FLI1: variants seen among roughly 807,000 people sequenced by gnomAD.
FLI1 encodes Friend leukemia integration 1 transcription factor.
Under a neutral mutation model 53.1 loss-of-function variants are expected in FLI1, and 13 were observed. That is an observed-to-expected ratio of 0.24 (90% CI 0.16 to 0.39). The LOEUF is 0.39. Among genes scored for constraint, FLI1 ranks in the 10% least tolerant of loss-of-function variants. The probability of loss-of-function intolerance (pLI) is 1.00; values close to 1 mark genes in which losing one functional copy is unlikely to be tolerated. For synonymous variants in FLI1, 244 were observed against 236.7 expected (o/e 1.03, Z -0.28); for missense variants, 424 against 600.5 (o/e 0.71, Z 3.07).
intron 4 of FLI1, among the ~76,000 whole-genome samples, chr11:128,780,780 C>T (rs1457923940): frequency 2.0e-5 from 3 of 152,178 alleles, no homozygotes; most frequent in Non-Finnish European, 4.4e-5. Context: ...CCCTGGCACC[C>T]AAGCCAGTCC....
At chr11:128,712,803 C>T (rs775925710) in intron 1 of FLI1, among the ~76,000 whole-genome samples, 1 of 152,184 alleles carries the variant, frequency 6.6e-6, no homozygotes, top group African/African-American at 2.4e-5. Flanking sequence ...ACATATCATA[C>T]ACTTTCCAAA....
intron 1 of FLI1, among the ~76,000 whole-genome samples, chr11:128,732,905 A>G (rs1435039473): frequency 1.3e-5 from 2 of 152,242 alleles, no homozygotes; most frequent in African/African-American, 4.8e-5. Flanking sequence ...TCAGATCTAG[A>G]GAAGTAGAGT....
intron 5 of FLI1, among the ~76,000 whole-genome samples, chr11:128,803,643 G>T (rs1942696225): frequency 6.6e-6 from 1 of 152,144 alleles, no homozygotes; most frequent in African/African-American, 2.4e-5. Context: ...CAAGGACGAG[G>T]AACTTGTTTC....
intron 1 of FLI1, among the ~76,000 whole-genome samples, chr11:128,728,346 A>C (rs997998058): frequency 6.6e-6 from 1 of 152,238 alleles, no homozygotes; most frequent in East Asian, 1.9e-4. Context: ...CAGAGCCAAA[A>C]AGAGCTTAGT....
In FLI1 at chr11:128,810,031, G is replaced by C. The variant is rs959639487; in HGVS notation, c.830-428G>C. On this transcript the variant is annotated intron_variant, in intron 8 of 8. Coordinates refer to ENST00000527786, the MANE Select transcript of FLI1 (RefSeq NM_002017.5). The surrounding 1 kb of genome is among the most constrained non-coding windows in gnomAD (Gnocchi z 6.6). ...ACTCCCACAGTCATGCCTTGCCCCT[G>C]ACTTTTTATTGCTGACAGGGAATTC... Among the ~76,000 whole-genome samples the C allele has an allele frequency of 1.3e-5, 2 of 152,020 alleles. No individual in the cohort carries two copies. The highest frequency in any genetic ancestry group is 1.5e-5 in the Non-Finnish European group (1 of 68,014).
At chr11:128,776,206 G>A (rs1941721317) in intron 4 of FLI1, among the ~76,000 whole-genome samples, 1 of 152,178 alleles carries the variant, frequency 6.6e-6, no homozygotes, top group Non-Finnish European at 1.5e-5. Flanking sequence ...GGCATGCTAG[G>A]GAGGTGCTTG....
At chr11:128,748,169 C>A in intron 1 of FLI1, 1 of 566,538 alleles carries the variant, frequency 1.8e-6, no homozygotes, top group Non-Finnish European at 2.2e-6. Flanking sequence ...TAGGCTATAC[C>A]CTTCATTTGT....
intron 4 of FLI1, among the ~76,000 whole-genome samples, chr11:128,780,110 T>C (rs1057032586): frequency 1.5e-4 from 23 of 152,244 alleles, no homozygotes; most frequent in Admixed American, 9.2e-4. Flanking sequence ...TACTTTGTCA[T>C]TGGTATTCTT....
At position 128,810,808 on chromosome 11, in the gene FLI1, C is replaced by T. The variant is rs764478182; in HGVS notation, c.1179C>T (p.Ala393=). The T allele has an allele frequency of 5.6e-6, 9 of 1,614,058 alleles. No homozygotes were observed. The South Asian group carries it at 7.7e-5, about 14-fold the overall frequency. The change falls in exon 9 of 9, where the codon GCC becomes GCT. Residue 393 remains alanine, a synonymous_variant. Coordinates refer to ENST00000527786, the MANE Select transcript of FLI1 (RefSeq NM_002017.5). The surrounding 1 kb of genome is among the most constrained non-coding windows in gnomAD (Gnocchi z 6.6). ...TCTCCTACATGCCTTCCTACCATGC[C>T]CACCAGCAGAAGGTGAACTTTGTCC... ...SDISYMPSYH[A]HQQKVNFVPP... is the part of the protein sequence containing the mutation.
chr11:128,787,539 A>G (rs1281315928), intron 5 of FLI1, among the ~76,000 whole-genome samples: 1 of 152,176 alleles, frequency 6.6e-6, no homozygotes, highest in Non-Finnish European at 1.5e-5. Context: ...TTTCAGCATT[A>G]TAGCATACTG....
chr11:128,812,890 C>T lies in FLI1; in HGVS notation c.*1902C>T, dbSNP rs577529562. Reference sequence around the variant, plus strand: ...CAAGGAAGAAACTTGCCTCCAGTTCCTTCACTGTTAGGTAGCTTATTTTCA... The same window carrying T: ...CAAGGAAGAAACTTGCCTCCAGTTCTTTCACTGTTAGGTAGCTTATTTTCA... On this transcript the variant is annotated 3_prime_UTR_variant, in exon 9 of 9. Transcript: ENST00000527786. 3 of 114,508 alleles carry T rather than the reference C, an allele frequency of 2.6e-5. 1 individual carries two copies. In the South Asian group the frequency reaches 9.5e-4, roughly 36 times the overall value. The allele number at this position is 114,508 out of a possible 1,614,324, so 7.1% of individuals were successfully genotyped here.
intron 1 of FLI1, among the ~76,000 whole-genome samples, chr11:128,750,471 T>C (rs1252762463): frequency 6.6e-6 from 1 of 152,244 alleles, no homozygotes; most frequent in Non-Finnish European, 1.5e-5. Flanking sequence ...TTTCCTCCTC[T>C]AACTCCACTG....
intron 1 of FLI1, among the ~76,000 whole-genome samples, chr11:128,702,735 G>A (rs1020285874): frequency 6.6e-6 from 1 of 152,148 alleles, no homozygotes; most frequent in South Asian, 2.1e-4. Context: ...GCTGGCGCAT[G>A]CTTGTAGTCC....
intron 1 of FLI1, among the ~76,000 whole-genome samples, chr11:128,701,413 C>A (rs1251115165): frequency 2.6e-5 from 4 of 152,194 alleles, no homozygotes; most frequent in African/African-American, 9.7e-5. Context: ...GTTGGCTGGG[C>A]CGCTGGTCTC....
intron 5 of FLI1, among the ~76,000 whole-genome samples, chr11:128,790,681 TAATAAGGCAA>T (rs1403984782): frequency 3.9e-5 from 6 of 152,256 alleles, no homozygotes; most frequent in Non-Finnish European, 8.8e-5. Context: ...TGTTCCAGGA[TAATAAGGCAA>T]AAGACTGAGT....
At chr11:128,701,339 A>T (rs1486525416) in intron 1 of FLI1, among the ~76,000 whole-genome samples, 1 of 148,996 alleles carries the variant, frequency 6.7e-6, no homozygotes, top group East Asian at 2.0e-4. Flanking sequence ...GAAAAAAAAA[A>T]GTCTCTCTAA....
chr11:128,768,072 C>T (rs1941412116), intron 2 of FLI1, 46 bp from the exon 3 acceptor site: 1 of 1,536,882 alleles, frequency 6.5e-7, no homozygotes, highest in Non-Finnish European at 8.8e-7. Flanking sequence ...GGCAAGCTGC[C>T]CTGTCAGTGC....
intron 5 of FLI1, among the ~76,000 whole-genome samples, chr11:128,783,848 G>A (rs1303845146): frequency 6.6e-6 from 1 of 151,982 alleles, no homozygotes; most frequent in African/African-American, 2.4e-5. Context: ...TACATACTGA[G>A]TTTTATTTCA....
chr11:128,707,457 GAGC>G (rs1297758307), intron 1 of FLI1, among the ~76,000 whole-genome samples: 1 of 152,154 alleles, frequency 6.6e-6, no homozygotes, highest in Non-Finnish European at 1.5e-5. Flanking sequence ...GAGGGAGAAA[GAGC>G]AGGTGACTTT....
Sources: gnomAD v4.1 joint callset for allele counts (sites outside exome capture counted in the v4.1 genomes callset) on GRCh38, gnomAD v4.1.1 for gene constraint, Gnocchi (gnomAD v3.1) non-coding constraint, MANE v1.5 for transcripts, NCBI Gene and HGNC (gene_info 2026-07-23, HGNC 2026-07-21) for gene names.